The following ZNF337 variants were observed in gnomAD, a reference collection of about 807,000 sequenced individuals.
The protein encoded by ZNF337 is zinc finger protein 337.
A neutral mutation model predicts 12.1 loss-of-function variants in ZNF337; 8 were observed. The ratio of observed to expected loss-of-function variants is 0.66; its 90% confidence interval spans 0.39 to 1.19. The LOEUF is 1.19. Ranked by LOEUF, ZNF337 falls within the 50% of genes most tolerant of loss-of-function variation. The pLI is 0.01. For synonymous variants in ZNF337, 336 were observed against 320.0 expected (o/e 1.05, Z -0.53); for missense variants, 882 against 896.6 (o/e 0.98, Z 0.21).
Position 25,676,479 on chromosome 20 carries a change from C to T in ZNF337, c.809G>A (p.Gly270Glu), listed in dbSNP as rs897916372. The T allele has an allele frequency of 1.9e-6, 3 of 1,612,336 alleles. No individual in the cohort carries two copies. Among genetic ancestry groups the T allele is most frequent in the Non-Finnish European group, 2.5e-6 (3 of 1,179,482 alleles). Residue 270 changes from glycine to glutamate, a missense_variant, in exon 5 of 5, where the codon GGA becomes GAA. Coordinates refer to ENST00000252979, the MANE Select transcript of ZNF337 (RefSeq NM_015655.4). ...GEKPFLCKVC[G>E]RGYTSKSYLT... ...GTATGACTTACTGGTATAGCCTCGT[C>T]CACACACCTTGCACAGAAAAGGCTT...
chr20:25,687,286 T>A (rs1328878644), intron 1 of ZNF337, among the ~76,000 whole-genome samples: 2 of 152,172 alleles, frequency 1.3e-5, no homozygotes, highest in Non-Finnish European at 2.9e-5. Context: ...TAGAACTGAA[T>A]AATGTGTACT....
rs2065651164 is a variant in ZNF337 at position 25,674,466 on chromosome 20, C to G, written c.*566G>C. 1 of 152,834 alleles carries G rather than the reference C, an allele frequency of 6.5e-6. No homozygotes were observed. The allele number at this position is 152,834 out of a possible 1,614,324, so 9.5% of individuals were successfully genotyped here. On this transcript the variant is annotated 3_prime_UTR_variant, in exon 5 of 5. Coordinates refer to ENST00000252979, the MANE Select transcript of ZNF337 (RefSeq NM_015655.4). ...CATTCGCAAAGCTCTATCTTCGTGACTTGACTTAATCACTTCCCAAAGGTC... is the reference window on the plus strand; with the variant it reads ...CATTCGCAAAGCTCTATCTTCGTGAGTTGACTTAATCACTTCCCAAAGGTC...
In ZNF337 at chr20:25,675,891, C is replaced by T. The variant is rs765923138; in HGVS notation, c.1397G>A (p.Gly466Glu). 1.1e-5 allele frequency: 17 copies of T among 1,613,938 alleles called. No homozygotes were observed. In the East Asian group the frequency reaches 3.6e-4, roughly 34 times the overall value. ...EEKPFVCKDC[G>E]RGFIQKSTFT... ...GGTTGACTTTTGGATAAAGCCTCGT[C>T]CACAGTCCTTGCACACAAAAGGCTT... Residue 466 changes from glycine (G) to glutamate (E), a missense_variant, in exon 5 of 5, where the codon GGA becomes GAA. Gly to Glu is a moderately conservative substitution (Grantham distance 98, BLOSUM62 -2). Coordinates refer to ENST00000252979, the MANE Select transcript of ZNF337 (RefSeq NM_015655.4).
intron 1 of ZNF337, among the ~76,000 whole-genome samples, chr20:25,689,540 G>A (rs183294298): frequency 6.6e-6 from 1 of 152,198 alleles, no homozygotes; most frequent in African/African-American, 2.4e-5. Flanking sequence ...GAGGTGATAA[G>A]TGACCTGTGT....
chr20:25,675,129 C>G lies in ZNF337; in HGVS notation c.2159G>C (p.Arg720Pro), dbSNP rs35755622. ...GTAGTATGACTTATTGCTAAACTTTCGTCCACACTCTTGGCATTCATAAGG... is the reference window on the plus strand; with the variant it reads ...GTAGTATGACTTATTGCTAAACTTTGGTCCACACTCTTGGCATTCATAAGG... Reference protein sequence around the residue: ...ERPYECQECGRKFSNKSYYSK... With the variant: ...ERPYECQECGPKFSNKSYYSK... The change falls in exon 5 of 5, where the codon CGA becomes CCA. Residue 720 changes from arginine (R) to proline (P), a missense_variant. Transcript: ENST00000252979. 1 of 1,614,022 alleles carries G rather than the reference C, an allele frequency of 6.2e-7. No homozygotes were observed. Among genetic ancestry groups the G allele is most frequent in the Non-Finnish European group, 8.5e-7 (1 of 1,180,034 alleles).
rs1413550921 is a variant in ZNF337 at position 25,673,475 on chromosome 20, A to G, written c.*1557T>C. On this transcript the variant is annotated 3_prime_UTR_variant, in exon 5 of 5. Coordinates refer to ENST00000252979, the MANE Select transcript of ZNF337 (RefSeq NM_015655.4). ...TGCTATTCCTAAGGAAGGATGGGCC[A>G]TCTCTACACACCCAGATGGTCTGTG... 6.6e-6 allele frequency among the ~76,000 whole-genome samples: 1 copy of G among 152,216 alleles called. No homozygotes were observed. Among genetic ancestry groups the G allele is most frequent in the Non-Finnish European group, 1.5e-5 (1 of 68,038 alleles).
intron 1 of ZNF337, among the ~76,000 whole-genome samples, chr20:25,688,047 AG>A (rs1187888213): frequency 5.3e-5 from 8 of 152,244 alleles, no homozygotes; most frequent in Admixed American, 4.6e-4. Flanking sequence ...CTCTGACGGC[AG>A]TTGAAAGGTG....
At chr20:25,695,754 C>T (rs1256867961) in intron 1 of ZNF337, among the ~76,000 whole-genome samples, 2 of 152,082 alleles carry the variant, frequency 1.3e-5, no homozygotes, top group African/African-American at 4.8e-5. Context: ...TCTTGCTGTG[C>T]TGCCCAGGCT....
intron 4 of ZNF337, among the ~76,000 whole-genome samples, chr20:25,678,549 T>C (rs1158087035): frequency 2.0e-5 from 3 of 152,050 alleles, no homozygotes; most frequent in Non-Finnish European, 2.9e-5. Context: ...AGACCTCCAA[T>C]AGGCAATAGT....
At chr20:25,677,062 C>T (rs2065707720) in intron 4 of ZNF337, 25 bp from the exon 5 acceptor site, 1 of 1,530,678 alleles carries the variant, frequency 6.5e-7, no homozygotes, top group South Asian at 1.3e-5. Context: ...AACAATGAGA[C>T]TGAATCAGTA....
At chr20:25,686,312 A>G in intron 2 of ZNF337, 79 bp downstream of exon 2, 8 of 1,482,446 alleles carry the variant, frequency 5.4e-6, no homozygotes, top group Non-Finnish European at 6.6e-6. Context: ...GTCCTGTGCT[A>G]ATAATGTAAC....
rs1212653184 is a variant in ZNF337, at chr20:25,674,931, G to T, written c.*101C>A. 8 of 1,101,766 alleles carry T rather than the reference G, an allele frequency of 7.3e-6. No individual in the cohort carries two copies. The highest frequency in any genetic ancestry group is 9.2e-6 in the Non-Finnish European group (7 of 764,242). The allele number at this position is 1,101,766 out of a possible 1,614,324, so 68.2% of individuals were successfully genotyped here. ...AGCCCTCTGGATTCTGTCTGCCTCTGTTATATCTTCACGAACAAGTTATGC... is the reference window on the plus strand; with the variant it reads ...AGCCCTCTGGATTCTGTCTGCCTCTTTTATATCTTCACGAACAAGTTATGC... On this transcript the variant is annotated 3_prime_UTR_variant, in exon 5 of 5. Coordinates refer to ENST00000252979, the MANE Select transcript of ZNF337 (RefSeq NM_015655.4).
chr20:25,678,134 C>T (rs1047461214), intron 4 of ZNF337: 12 of 152,060 alleles, frequency 7.9e-5, no homozygotes, highest in African/African-American at 2.9e-4. Context: ...TTGCAGATGA[C>T]ATGATCGTAC....
At chr20:25,681,468 C>CT (rs1386877152) in intron 4 of ZNF337, among the ~76,000 whole-genome samples, 3 of 151,984 alleles carry the variant, frequency 2.0e-5, no homozygotes, top group African/African-American at 4.8e-5. Context: ...TATGAACCTG[C>CT]TTTTTTTGCA....
chr20:25,686,107 C>T lies in ZNF337; in HGVS notation c.43G>A (p.Gly15Arg), dbSNP rs1273832431. Residue 15 changes from glycine to arginine, a missense_variant, in exon 3 of 5, where the codon GGG becomes AGG. Coordinates refer to ENST00000252979, the MANE Select transcript of ZNF337 (RefSeq NM_015655.4). ...GARRQAFLAFGDVTVDFTQKE... is the reference protein window; with the variant it reads ...GARRQAFLAFRDVTVDFTQKE... ...TGGGTGAAATCCACAGTGACATCCCCAAATGCCAAGAAAGCCTGTAACACA... is the reference window on the plus strand; with the variant it reads ...TGGGTGAAATCCACAGTGACATCCCTAAATGCCAAGAAAGCCTGTAACACA... 4 of 1,614,036 alleles carry T rather than the reference C, an allele frequency of 2.5e-6. No homozygotes were observed. Among genetic ancestry groups the T allele is most frequent in the South Asian group, 1.1e-5 (1 of 91,076 alleles).
intron 4 of ZNF337, among the ~76,000 whole-genome samples, chr20:25,681,868 A>G (rs1393874937): frequency 6.6e-6 from 1 of 152,238 alleles, no homozygotes; most frequent in Non-Finnish European, 1.5e-5. Context: ...CGTAAAGGAT[A>G]ATGATGTCCA....
chr20:25,684,810 T>C (rs2065808597), intron 4 of ZNF337, among the ~76,000 whole-genome samples: 1 of 152,088 alleles, frequency 6.6e-6, no homozygotes, highest in African/African-American at 2.4e-5. Context: ...AAAGGATGAG[T>C]TCATGTCCTT....
intron 1 of ZNF337, 119 bp downstream of exon 1, chr20:25,696,640 G>C: frequency 1.4e-6 from 1 of 697,480 alleles, no homozygotes; most frequent in Non-Finnish European, 1.8e-6. Context: ...GGAGACGCCG[G>C]GCCTGGAGGA....
At chr20:25,686,845 G>A (rs2065838726) in intron 1 of ZNF337, 1 of 201,126 alleles carries the variant, frequency 5.0e-6, no homozygotes, top group African/African-American at 2.3e-5. Flanking sequence ...TTTGAAGTCA[G>A]GATAACCACA....
Sources: gnomAD v4.1 joint callset for allele counts (sites outside exome capture counted in the v4.1 genomes callset) on GRCh38, gnomAD v4.1.1 for gene constraint, MANE v1.5 for transcripts, NCBI Gene and HGNC (gene_info 2026-07-23, HGNC 2026-07-21) for gene names.